GRIP2: variants seen among roughly 807,000 people sequenced by gnomAD.
GRIP2 encodes glutamate receptor interacting protein 2.
GRIP2 carries 58 observed loss-of-function variants against 108.3 expected under a neutral mutation model. The ratio of observed to expected loss-of-function variants is 0.54; its 90% CI spans 0.43 to 0.67. GRIP2 has a LOEUF of 0.67. GRIP2 is among the 30% of genes least tolerant of loss of function. The probability of loss-of-function intolerance (pLI) is 0.00; values close to 1 mark genes in which losing one functional copy is unlikely to be tolerated. For synonymous variants in GRIP2, 586 were observed against 598.2 expected (o/e 0.98, Z 0.30); for missense variants, 1,278 against 1,430.6 (o/e 0.89, Z 1.72).
chr3:14,517,492 CTCTTT>C (rs1308532159), intron 10 of GRIP2, among the ~76,000 whole-genome samples: 1 of 108,536 alleles, frequency 9.2e-6, no homozygotes, highest in Non-Finnish European at 1.7e-5. Context: ...TAATCTCTCT[CTCTTT>C]TTTTTTTTTT....
intron 1 of GRIP2, among the ~76,000 whole-genome samples, chr3:14,531,432 T>G (rs1157461941): frequency 6.6e-6 from 1 of 152,220 alleles, no homozygotes; most frequent in Non-Finnish European, 1.5e-5. Flanking sequence ...CCAGCCTCCC[T>G]GCAGCATCCC....
intron 12 of GRIP2, 131 bp from the exon 13 acceptor site, chr3:14,513,941 G>T: frequency 9.1e-7 from 1 of 1,099,944 alleles, no homozygotes; most frequent in Non-Finnish European, 1.3e-6. Flanking sequence ...CTCTGCCCTG[G>T]CCCACCTGTG....
chr3:14,537,743 G>A (rs1694867856), intron 1 of GRIP2, among the ~76,000 whole-genome samples: 1 of 152,212 alleles, frequency 6.6e-6, no homozygotes, highest in South Asian at 2.1e-4. Context: ...CCTCGGAGGA[G>A]TGGGTAGCCC....
chr3:14,522,828 G>C lies in GRIP2; in HGVS notation c.566+172C>G. ...GGGCTCGAGGTTTCCCTCATTTGGG[G>C]TTACATCCCGGTTCCATCAACAACT... On this transcript the variant is annotated intron_variant, in intron 6 of 23. Transcript: ENST00000621039. The surrounding 1 kb of genome is among the most constrained non-coding windows in gnomAD (Gnocchi z 4.3). The C allele has an allele frequency of 1.6e-6, 1 of 610,122 alleles. No homozygotes were observed. The highest frequency in any genetic ancestry group is 3.0e-6 in the Non-Finnish European group (1 of 332,844). The allele number at this position is 610,122 out of a possible 1,614,324, so 37.8% of individuals were successfully genotyped here.
the GRIP2 span, among the ~76,000 whole-genome samples, chr3:14,578,713 T>A: frequency 1.4e-5 from 2 of 147,586 alleles, no homozygotes; most frequent in East Asian, 2.0e-4. Flanking sequence ...CAAGGCTCCA[T>A]CTCAGAAAAA....
chr3:14,500,264 A>C (rs1693730294), intron 21 of GRIP2, among the ~76,000 whole-genome samples: 1 of 152,206 alleles, frequency 6.6e-6, no homozygotes, highest in African/African-American at 2.4e-5. Flanking sequence ...GGAGGGTAGA[A>C]TGCATGGAGG....
chr3:14,562,285 A>G, the GRIP2 span, among the ~76,000 whole-genome samples: 26 of 152,312 alleles, frequency 1.7e-4, 1 homozygote, highest in South Asian at 5.4e-3. Context: ...GTAGTCTCAG[A>G]AAGTAAGGAA....
At chr3:14,534,515 T>C (rs1559349869) in intron 1 of GRIP2, among the ~76,000 whole-genome samples, 1 of 148,752 alleles carries the variant, frequency 6.7e-6, no homozygotes, top group Non-Finnish European at 1.5e-5. Context: ...AACAGAGATA[T>C]TTTTATCCAT....
intron 21 of GRIP2, among the ~76,000 whole-genome samples, chr3:14,497,094 T>G (rs1455346445): frequency 6.6e-6 from 1 of 152,090 alleles, no homozygotes; most frequent in Non-Finnish European, 1.5e-5. Flanking sequence ...CCTGAATAGC[T>G]GGAACTGCAG....
upstream of GRIP2, among the ~76,000 whole-genome samples, chr3:14,558,645 TC>T (rs1335109029): frequency 1.3e-5 from 2 of 152,052 alleles, no homozygotes; most frequent in African/African-American, 2.4e-5. Context: ...CCTGTAAGTG[TC>T]CCAGGCCTTA....
In GRIP2 at chr3:14,540,200, G is replaced by A; in HGVS notation, c.40+69C>T. On this transcript the variant is annotated intron_variant, in intron 1 of 23. Coordinates refer to ENST00000621039, the MANE Select transcript of GRIP2 (RefSeq NM_001080423.4). The surrounding 1 kb of genome is among the most constrained non-coding windows in gnomAD (Gnocchi z 4.1). ...CTCAGCCATCCAGTCCCCTCTCTCT[G>A]GGCAGCAGCTCCAGAGGGATCTATG... is the stretch of plus-strand genomic sequence containing the variant. The A allele has an allele frequency of 6.4e-7, 1 of 1,558,334 alleles. No homozygotes were observed. The highest frequency in any genetic ancestry group is 1.3e-5 in the African/African-American group (1 of 74,082).
the GRIP2 span, among the ~76,000 whole-genome samples, chr3:14,597,644 T>C: frequency 6.6e-6 from 1 of 152,216 alleles, no homozygotes; most frequent in Non-Finnish European, 1.5e-5. Context: ...TGATGGGTTT[T>C]GTGTTTCTCC....
chr3:14,517,513 T>TA (rs1559341279), intron 10 of GRIP2, among the ~76,000 whole-genome samples: 2 of 137,490 alleles, frequency 1.5e-5, no homozygotes. Flanking sequence ...TTTTTTTTTT[T>TA]TTTTTTTAGT....
At chr3:14,586,376 G>A in the GRIP2 span, among the ~76,000 whole-genome samples, 51 of 152,322 alleles carry the variant, frequency 3.3e-4, no homozygotes, top group East Asian at 5.0e-3. Context: ...TGGCATGTGC[G>A]AGTTAAACAG....
chr3:14,533,079 C>A (rs1379269057), intron 1 of GRIP2, among the ~76,000 whole-genome samples: 1 of 152,236 alleles, frequency 6.6e-6, no homozygotes, highest in Admixed American at 6.5e-5. Flanking sequence ...TCAGCAGCTC[C>A]GCTCATCCGC....
intron 1 of GRIP2, among the ~76,000 whole-genome samples, chr3:14,539,442 G>A (rs746515432): frequency 5.3e-5 from 8 of 152,120 alleles, no homozygotes; most frequent in Non-Finnish European, 1.0e-4. Flanking sequence ...AGTCATCGGG[G>A]TGTCAATCCC....
chr3:14,588,203 C>G, the GRIP2 span, among the ~76,000 whole-genome samples: 1 of 152,206 alleles, frequency 6.6e-6, no homozygotes, highest in Non-Finnish European at 1.5e-5. Context: ...CTGGTCCCAA[C>G]AAACTGTTGG....
chr3:14,558,415 A>T (rs1339239807), upstream of GRIP2, among the ~76,000 whole-genome samples: 1 of 152,098 alleles, frequency 6.6e-6, no homozygotes, highest in East Asian at 1.9e-4. Context: ...CACGGTTGGG[A>T]GCTCTGGCTG....
chr3:14,564,128 C>T, the GRIP2 span, among the ~76,000 whole-genome samples: 1 of 152,176 alleles, frequency 6.6e-6, no homozygotes, highest in Non-Finnish European at 1.5e-5. Context: ...TGCCACCAAG[C>T]GTTTTCAGTA....
Sources: gnomAD v4.1 joint callset for allele counts (sites outside exome capture counted in the v4.1 genomes callset) on GRCh38, gnomAD v4.1.1 for gene constraint, Gnocchi (gnomAD v3.1) non-coding constraint, MANE v1.5 for transcripts, NCBI Gene and HGNC (gene_info 2026-07-23, HGNC 2026-07-21) for gene names.